The following GPR19 variants were observed in gnomAD, a reference collection of about 807,000 sequenced individuals.
GPR19 encodes the protein probable G protein-coupled receptor 19.
GPR19 carries 14 observed loss-of-function variants against 28.5 expected under a neutral mutation model. The observed-to-expected ratio is 0.49, with a 90% CI of 0.32 to 0.77. The LOEUF (loss-of-function observed/expected upper bound fraction) is 0.77, where lower values mean the gene tolerates loss of function less well. GPR19 is among the 30% of genes least tolerant of loss of function. GPR19 has a pLI of 0.03. For synonymous variants in GPR19, 173 were observed against 184.1 expected (o/e 0.94, Z 0.49); for missense variants, 409 against 504.1 (o/e 0.81, Z 1.81).
rs796589591 is a variant in GPR19, at chr12:12,694,396, C to T, written c.-180+1063G>A. On this transcript the variant is annotated intron_variant, in intron 2 of 3. Coordinates refer to ENST00000651487, the MANE Select transcript of GPR19 (RefSeq NM_006143.3). ...TGTATTTTTTTTTTTTTAGTAGAGA[C>T]GGGGTTTCACCGTATTTGCCAGGAT... Among the ~76,000 whole-genome samples the T allele has an allele frequency of 4.0e-5, 6 of 149,020 alleles. No homozygotes were observed. In the East Asian group the frequency reaches 1.2e-3, roughly 30 times the overall value.
the GPR19 span, among the ~76,000 whole-genome samples, chr12:12,710,282 G>A: frequency 7.9e-5 from 12 of 151,734 alleles, no homozygotes; most frequent in African/African-American, 2.9e-4. Flanking sequence ...GAACCTGGGA[G>A]GTGGAGGTTG....
intron 3 of GPR19, among the ~76,000 whole-genome samples, chr12:12,680,781 C>G (rs368822133): frequency 6.6e-6 from 1 of 152,130 alleles, no homozygotes; most frequent in South Asian, 2.1e-4. Flanking sequence ...CTCCACCTAC[C>G]GGGTTCAAGC....
At position 12,672,446 on chromosome 12, in the gene GPR19, T is replaced by A. The variant is rs966219027; in HGVS notation, c.-22-9976A>T. Reference sequence around the variant, plus strand: ...TAAGATACAATGTAAAAAAAACAAGTGCAAAAAAATTTCACCCTGGCTGGG... The same window carrying A: ...TAAGATACAATGTAAAAAAAACAAGAGCAAAAAAATTTCACCCTGGCTGGG... On this transcript the variant is annotated intron_variant, in intron 3 of 3. Transcript: ENST00000651487. Among the ~76,000 whole-genome samples the A allele has an allele frequency of 1.1e-4, 16 of 151,918 alleles. 1 individual carries two copies. The highest frequency in any genetic ancestry group is 2.4e-5 in the African/African-American group (1 of 41,358).
At chr12:12,700,499 G>A (rs1301395576), upstream of GPR19, among the ~76,000 whole-genome samples, 5 of 152,158 alleles carry the variant, frequency 3.3e-5, no homozygotes, top group Non-Finnish European at 7.3e-5. Context: ...AGGGAAGTAT[G>A]TACAGAGAAA....
chr12:12,664,799 G>A (rs1040601938), intron 3 of GPR19, among the ~76,000 whole-genome samples: 3 of 151,394 alleles, frequency 2.0e-5, no homozygotes, highest in Non-Finnish European at 2.9e-5. Context: ...AGGCGCCTGT[G>A]GTCCCAGCTA....
chr12:12,702,758 G>C, the GPR19 span, among the ~76,000 whole-genome samples: 1 of 152,098 alleles, frequency 6.6e-6, no homozygotes, highest in South Asian at 2.1e-4. Flanking sequence ...GTTAAATAAT[G>C]GTCATAATGA....
chr12:12,704,579 A>C, the GPR19 span, among the ~76,000 whole-genome samples: 1 of 152,238 alleles, frequency 6.6e-6, no homozygotes, highest in African/African-American at 2.4e-5. Context: ...TATGAAAATG[A>C]TATAAAAATG....
intron 3 of GPR19, among the ~76,000 whole-genome samples, chr12:12,666,235 A>G (rs1003742915): frequency 3.9e-5 from 6 of 152,196 alleles, no homozygotes; most frequent in Non-Finnish European, 8.8e-5. Context: ...AACTGATCTA[A>G]ATTTTTCCCC....
the GPR19 span, among the ~76,000 whole-genome samples, chr12:12,711,569 G>A: frequency 2.6e-5 from 4 of 152,188 alleles, no homozygotes; most frequent in African/African-American, 9.7e-5. Context: ...AATTGCAAAG[G>A]AGACAGGGGA....
At chr12:12,692,033 CTCT>C (rs1946188279) in intron 2 of GPR19, among the ~76,000 whole-genome samples, 1 of 152,214 alleles carries the variant, frequency 6.6e-6, no homozygotes, top group Non-Finnish European at 1.5e-5. Context: ...GTGGCCACTT[CTCT>C]TTTTTCCTGA....
At chr12:12,698,652 C>T (rs1946295240), upstream of GPR19, among the ~76,000 whole-genome samples, 1 of 152,026 alleles carries the variant, frequency 6.6e-6, no homozygotes, top group African/African-American at 2.4e-5. Context: ...GCTCTGTCAC[C>T]CAGTCTAGAG....
intron 2 of GPR19, among the ~76,000 whole-genome samples, chr12:12,689,397 C>T (rs1946149461): frequency 6.6e-6 from 1 of 152,170 alleles, no homozygotes; most frequent in African/African-American, 2.4e-5. Context: ...TACCCTCTCT[C>T]TCATCAGTGC....
chr12:12,662,313 C>A lies in GPR19; in HGVS notation c.136G>T (p.Glu46Ter), dbSNP rs770206130. 1.2e-6 allele frequency: 2 copies of A among 1,614,214 alleles called. No homozygotes were observed. The highest frequency in any genetic ancestry group is 1.7e-6 in the Non-Finnish European group (2 of 1,180,046). The change falls in exon 4 of 4, where the codon GAG becomes TAG. Residue 46 changes from glutamate to a stop codon, truncating the protein, a stop_gained. Transcript: ENST00000651487. LOFTEE classifies it high-confidence loss of function. Reference sequence around the variant, plus strand: ...GTTTGGTTGCTCATCCAACTGTGCTCCTCACTTAATTCCATCAGGTATTGG... The same window carrying A: ...GTTTGGTTGCTCATCCAACTGTGCTACTCACTTAATTCCATCAGGTATTGG... Reference protein sequence around the residue: ...PSQYLMELSEEHSWMSNQTDL... With the variant: ...PSQYLMELSE
upstream of GPR19, among the ~76,000 whole-genome samples, chr12:12,697,143 T>C (rs1946276264): frequency 2.4e-5 from 1 of 41,758 alleles, no homozygotes; most frequent in African/African-American, 7.3e-5. Context: ...GACTGACTCT[T>C]GAAGCGAAGT....
In GPR19 at chr12:12,696,163, G is replaced by A. The variant is rs981326297; in HGVS notation, c.-331C>T. ...ACGGACACTCCCCAAGGGCCAAATC[G>A]GACCGCCTCTCACTAGGCGGAAAGT... On this transcript the variant is annotated 5_prime_UTR_variant, in exon 1 of 4. Transcript: ENST00000651487. 6.6e-6 allele frequency: 1 copy of A among 152,056 alleles called. No individual in the cohort carries two copies. The highest frequency in any genetic ancestry group is 6.6e-5 in the Admixed American group (1 of 15,262). The allele number at this position is 152,056 out of a possible 1,614,324, so 9.4% of individuals were successfully genotyped here. A position where few individuals can be genotyped will look rare whatever the true frequency, so the allele number is the denominator to read the frequency against.
chr12:12,662,885 T>C (rs1380910041), intron 3 of GPR19, among the ~76,000 whole-genome samples: 1 of 152,238 alleles, frequency 6.6e-6, no homozygotes, highest in Non-Finnish European at 1.5e-5. Flanking sequence ...CTAATTGTCC[T>C]AAGGTTGCAA....
At chr12:12,713,055 C>T in the GPR19 span, among the ~76,000 whole-genome samples, 56,541 of 140,090 alleles carry the variant, frequency 0.4, 11,759 homozygotes, top group South Asian at 0.47. Context: ...TGATCTGATG[C>T]GCTTTTTTTT....
upstream of GPR19, among the ~76,000 whole-genome samples, chr12:12,699,043 AAAAG>A (rs1946299430): frequency 6.6e-6 from 1 of 152,126 alleles, no homozygotes; most frequent in South Asian, 2.1e-4. Context: ...ATCTCCAGGG[AAAAG>A]AAAGAATGAA....
chr12:12,695,048 C>G (rs968804703), intron 2 of GPR19, among the ~76,000 whole-genome samples: 3 of 152,226 alleles, frequency 2.0e-5, no homozygotes, highest in African/African-American at 7.2e-5. Flanking sequence ...TCCATCACTG[C>G]TAGCTTCAAT....
Sources: allele counts gnomAD v4.1 joint callset (sites outside exome capture counted in the v4.1 genomes callset), GRCh38; gene constraint gnomAD v4.1.1; transcripts MANE v1.5; gene names NCBI Gene and HGNC (gene_info 2026-07-23, HGNC 2026-07-21).